Variants in GSK3B observed in about 807,000 individuals in gnomAD.
GSK3B encodes glycogen synthase kinase-3 beta.
GSK3B carries 15 observed loss-of-function variants against 56.4 expected under a neutral mutation model. The observed-to-expected ratio is 0.27, with a 90% confidence interval of 0.18 to 0.41. The LOEUF is 0.41. Ranked by LOEUF, GSK3B falls within the 10% of genes least tolerant of loss-of-function variation. GSK3B has a pLI of 1.00. For missense variants in GSK3B, 300 were observed against 513.4 expected (o/e 0.58, Z 4.02); for synonymous variants, 181 against 188.9 (o/e 0.96, Z 0.34).
At chr3:120,089,202 C>T (rs1487024951) in intron 1 of GSK3B, among the ~76,000 whole-genome samples, 2 of 152,226 alleles carry the variant, frequency 1.3e-5, no homozygotes, top group Non-Finnish European at 2.9e-5. Flanking sequence ...ATTTGTGAAT[C>T]ACTGGGTTCC....
At chr3:119,906,628 T>C (rs1392917909) in intron 6 of GSK3B, among the ~76,000 whole-genome samples, 2 of 152,060 alleles carry the variant, frequency 1.3e-5, no homozygotes, top group African/African-American at 4.8e-5. Flanking sequence ...GATTAGAAGA[T>C]AAACCGTACG....
chr3:119,836,153 C>T (rs144485406), intron 10 of GSK3B, among the ~76,000 whole-genome samples: 209 of 152,188 alleles, frequency 1.4e-3, no homozygotes, highest in African/African-American at 4.6e-3. Context: ...GTTTGAAGAA[C>T]AAATAGGTAT....
At chr3:119,887,040 A>T (rs139907809) in intron 7 of GSK3B, among the ~76,000 whole-genome samples, 1 of 152,296 alleles carries the variant, frequency 6.6e-6, no homozygotes, top group South Asian at 2.1e-4. Flanking sequence ...ACTGTTAATA[A>T]CAGAGGTCTT....
chr3:119,855,686 G>A (rs144949592), intron 9 of GSK3B, among the ~76,000 whole-genome samples: 1,844 of 152,310 alleles, frequency 0.012, 33 homozygotes, highest in African/African-American at 0.042. Flanking sequence ...GTAGGGACAT[G>A]GATGAAGCTG....
intron 1 of GSK3B, among the ~76,000 whole-genome samples, chr3:120,091,554 T>C (rs1416949556): frequency 6.6e-6 from 1 of 152,114 alleles, no homozygotes; most frequent in Non-Finnish European, 1.5e-5. Context: ...ATCTCTGAAA[T>C]AAAGCTAATA....
intron 1 of GSK3B, among the ~76,000 whole-genome samples, chr3:120,033,592 A>G (rs1382867636): frequency 6.6e-6 from 1 of 152,134 alleles, no homozygotes; most frequent in Non-Finnish European, 1.5e-5. Flanking sequence ...CTTTTCGTGC[A>G]TTGATATGGT....
chr3:119,833,702 T>G (rs1388444932), intron 10 of GSK3B, among the ~76,000 whole-genome samples: 2 of 147,450 alleles, frequency 1.4e-5, no homozygotes, highest in Non-Finnish European at 3.0e-5. Flanking sequence ...TTTTTTTTTT[T>G]TTTTTTTTTT....
intron 3 of GSK3B, among the ~76,000 whole-genome samples, chr3:119,945,647 T>C (rs1330613927): frequency 6.6e-6 from 1 of 152,206 alleles, no homozygotes; most frequent in Non-Finnish European, 1.5e-5. Context: ...TTTTCTGCTC[T>C]TCAACTTCTT....
chr3:119,935,701 C>T (rs983899792), intron 3 of GSK3B, among the ~76,000 whole-genome samples: 4 of 152,136 alleles, frequency 2.6e-5, no homozygotes, highest in South Asian at 2.1e-4. Flanking sequence ...TTCACAGACT[C>T]TTTCAAAAAA....
chr3:119,975,361 C>T (rs931911026), intron 2 of GSK3B, among the ~76,000 whole-genome samples: 3 of 152,164 alleles, frequency 2.0e-5, no homozygotes, highest in East Asian at 1.9e-4. Context: ...GCAGGAGAAT[C>T]GCTTGAACCT....
chr3:119,831,525 C>T (rs948642121), intron 10 of GSK3B, among the ~76,000 whole-genome samples: 3 of 151,778 alleles, frequency 2.0e-5, no homozygotes, highest in Non-Finnish European at 4.4e-5. Flanking sequence ...GGCATAGTGG[C>T]GGGCGCCTGT....
chr3:119,969,740 C>T (rs1433676437), intron 2 of GSK3B, among the ~76,000 whole-genome samples: 1 of 152,204 alleles, frequency 6.6e-6, no homozygotes, highest in African/African-American at 2.4e-5. Context: ...AAAGGATAGT[C>T]TTTTCAACAA....
At chr3:119,927,083 C>A (rs2056895573) in intron 3 of GSK3B, among the ~76,000 whole-genome samples, 1 of 152,160 alleles carries the variant, frequency 6.6e-6, no homozygotes, top group Non-Finnish European at 1.5e-5. Context: ...TAGTGCCTAG[C>A]ACACAGTAGG....
At chr3:119,959,657 C>T (rs541977378) in intron 2 of GSK3B, among the ~76,000 whole-genome samples, 8 of 151,712 alleles carry the variant, frequency 5.3e-5, no homozygotes, top group Middle Eastern at 3.4e-3. Context: ...TGGGATTACA[C>T]GCGTGTACCA....
At chr3:119,867,728 C>T (rs184094620) in intron 8 of GSK3B, among the ~76,000 whole-genome samples, 6 of 152,188 alleles carry the variant, frequency 3.9e-5, no homozygotes, top group Non-Finnish European at 8.8e-5. Flanking sequence ...TATCTGTGAA[C>T]TCCCCTGGCT....
intron 2 of GSK3B, among the ~76,000 whole-genome samples, chr3:119,953,526 G>A (rs879390190): frequency 9.9e-5 from 15 of 152,136 alleles, no homozygotes; most frequent in East Asian, 5.8e-4. Context: ...GAGATGGAGC[G>A]GCACATGTTG....
At chr3:120,035,690 T>C (rs1487959740) in intron 1 of GSK3B, among the ~76,000 whole-genome samples, 1 of 152,374 alleles carries the variant, frequency 6.6e-6, no homozygotes, top group Non-Finnish European at 1.5e-5. Context: ...TTATACGTTT[T>C]ATACTTCTGT....
intron 1 of GSK3B, among the ~76,000 whole-genome samples, chr3:120,011,800 T>C (rs1209896755): frequency 6.6e-6 from 1 of 152,194 alleles, no homozygotes; most frequent in Non-Finnish European, 1.5e-5. Context: ...AACAACTGTA[T>C]AAAATTGTAC....
At chr3:119,862,168 T>C (rs965704996) in intron 9 of GSK3B, among the ~76,000 whole-genome samples, 1 of 149,064 alleles carries the variant, frequency 6.7e-6, no homozygotes, top group African/African-American at 2.5e-5. Flanking sequence ...ATGTGGCACA[T>C]ATACACCATG....
Sources: allele counts gnomAD v4.1 joint callset (sites outside exome capture counted in the v4.1 genomes callset), GRCh38; gene constraint gnomAD v4.1.1; transcripts MANE v1.5; gene names NCBI Gene and HGNC (gene_info 2026-07-23, HGNC 2026-07-21).